CLNK: variants seen among roughly 807,000 people sequenced by gnomAD.
CLNK encodes the protein cytokine-dependent hematopoietic cell linker.
A neutral mutation model predicts 68.6 loss-of-function variants in CLNK; 74 were observed. The ratio of observed to expected loss-of-function variants is 1.08; its 90% confidence interval spans 0.89 to 1.31. The LOEUF is 1.31. Ranked by LOEUF, CLNK falls within the 50% of genes most tolerant of loss-of-function variation. The pLI is 0.00. For synonymous variants in CLNK, 198 were observed against 172.2 expected (o/e 1.15, Z -1.17); for missense variants, 553 against 515.3 (o/e 1.07, Z -0.71).
At chr4:10,634,673 C>T (rs549674913) in intron 2 of CLNK, among the ~76,000 whole-genome samples, 4 of 152,192 alleles carry the variant, frequency 2.6e-5, no homozygotes, top group Admixed American at 6.5e-5. Context: ...AGTCTAACTT[C>T]GGTGTTTTGA....
intron 2 of CLNK, among the ~76,000 whole-genome samples, chr4:10,659,469 C>T (rs1031991666): frequency 6.6e-6 from 1 of 152,160 alleles, no homozygotes; most frequent in Admixed American, 6.5e-5. Context: ...CATGGCCAAC[C>T]AATATTTCTG....
chr4:10,595,689 T>G (rs1446537423), intron 3 of CLNK, among the ~76,000 whole-genome samples: 3 of 152,126 alleles, frequency 2.0e-5, no homozygotes, highest in Non-Finnish European at 4.4e-5. Context: ...GCACCAGGGT[T>G]GTTGATATTA....
rs74417800 is a variant in CLNK at position 10,502,759 on chromosome 4, C to T, written c.985-1348G>A. 8.3e-3 allele frequency among the ~76,000 whole-genome samples: 1,261 copies of T among 151,778 alleles called. 11 individuals carry two copies. The highest frequency in any genetic ancestry group is 0.037 in the Middle Eastern group (11 of 294). ...TCAAACTGAATGGAGAGGCCCTTTA[C>T]GGGAGGAGGAATTGTAGCCTATGTT... On this transcript the variant is annotated intron_variant, in intron 17 of 18. Coordinates refer to ENST00000226951, the MANE Select transcript of CLNK (RefSeq NM_052964.4).
intron 2 of CLNK, among the ~76,000 whole-genome samples, chr4:10,636,263 T>C (rs977083211): frequency 5.9e-5 from 9 of 152,178 alleles, no homozygotes; most frequent in African/African-American, 1.9e-4. Context: ...CCAATATGAC[T>C]TGTATCTTTA....
At chr4:10,583,174 G>A (rs927729207) in intron 4 of CLNK, among the ~76,000 whole-genome samples, 2 of 152,160 alleles carry the variant, frequency 1.3e-5, no homozygotes, top group Non-Finnish European at 2.9e-5. Context: ...AATTAGATCA[G>A]GTCTGCTATT....
At chr4:10,497,071 G>A (rs188315724) in intron 18 of CLNK, among the ~76,000 whole-genome samples, 1 of 152,292 alleles carries the variant, frequency 6.6e-6, no homozygotes, top group African/African-American at 2.4e-5. Context: ...TCAATGTTTT[G>A]CAAACTATAC....
intron 2 of CLNK, among the ~76,000 whole-genome samples, chr4:10,644,104 C>A (rs1044635590): frequency 1.3e-5 from 2 of 152,214 alleles, no homozygotes; most frequent in Non-Finnish European, 2.9e-5. Context: ...ATGGCTCATA[C>A]TGAGGGGCGG....
At chr4:10,532,335 A>G in intron 11 of CLNK, 52 bp from the exon 12 acceptor site, 1 of 1,448,530 alleles carries the variant, frequency 6.9e-7, no homozygotes, top group African/African-American at 1.4e-5. Context: ...ATAATGACCA[A>G]GATAAAATCA....
At position 10,598,008 on chromosome 4, in the gene CLNK, T is replaced by A. The variant is rs772948104; in HGVS notation, c.53A>T (p.Lys18Ile). The A allele has an allele frequency of 3.1e-6, 5 of 1,589,104 alleles. No individual in the cohort carries two copies. In the South Asian group the frequency reaches 5.7e-5, roughly 18 times the overall value. ...TTTTGGCAGACTGAAGTTCTGGAATTTCAAATCGTTGGATCCTTCTTTAGT... is the reference window on the plus strand; with the variant it reads ...TTTTGGCAGACTGAAGTTCTGGAATATCAAATCGTTGGATCCTTCTTTAGT... ...KTTKEGSNDL[K>I]FQNFSLPKNR... The change falls in exon 3 of 19, where the codon AAA (lysine) becomes ATA (isoleucine). Residue 18 changes from lysine (K) to isoleucine (I), a missense_variant. Physicochemically the swap from Lys to Ile is moderately radical, Grantham distance 102. Coordinates refer to ENST00000226951, the MANE Select transcript of CLNK (RefSeq NM_052964.4).
intron 11 of CLNK, among the ~76,000 whole-genome samples, chr4:10,534,195 G>A (rs1314263991): frequency 6.6e-6 from 1 of 152,076 alleles, no homozygotes; most frequent in East Asian, 1.9e-4. Flanking sequence ...GGAAAGCTCG[G>A]GTTTGGAATT....
chr4:10,672,423 C>G (rs964904304), intron 1 of CLNK, among the ~76,000 whole-genome samples: 1 of 152,080 alleles, frequency 6.6e-6, no homozygotes, highest in Non-Finnish European at 1.5e-5. Flanking sequence ...CAACAGCTAC[C>G]CTTAGGACTC....
chr4:10,585,401 A>G (rs185894118), intron 3 of CLNK, among the ~76,000 whole-genome samples: 43 of 152,364 alleles, frequency 2.8e-4, no homozygotes, highest in Non-Finnish European at 5.4e-4. Context: ...GTTTTGGCCA[A>G]TCAAATGTAG....
chr4:10,731,007 A>G, the CLNK span, among the ~76,000 whole-genome samples: 2 of 152,254 alleles, frequency 1.3e-5, no homozygotes, highest in Admixed American at 6.5e-5. Context: ...ACACGCATAC[A>G]ATGTGTAATA....
chr4:10,686,372 C>A (rs933058396), upstream of CLNK, among the ~76,000 whole-genome samples: 1 of 151,900 alleles, frequency 6.6e-6, no homozygotes, highest in African/African-American at 2.4e-5. Context: ...TTAGCTGGGA[C>A]GTATTCGACC....
chr4:10,594,797 A>G (rs1721324272), intron 3 of CLNK, among the ~76,000 whole-genome samples: 1 of 152,206 alleles, frequency 6.6e-6, no homozygotes, highest in African/African-American at 2.4e-5. Flanking sequence ...AAAGTTTTTG[A>G]TCACTTAGAA....
At chr4:10,612,788 G>A (rs572732248) in intron 2 of CLNK, among the ~76,000 whole-genome samples, 2 of 152,310 alleles carry the variant, frequency 1.3e-5, no homozygotes, top group South Asian at 4.2e-4. Flanking sequence ...GGAAGCCAGG[G>A]TTGGAGTCAA....
chr4:10,528,878 T>A (rs1718426059), intron 12 of CLNK, among the ~76,000 whole-genome samples: 1 of 152,232 alleles, frequency 6.6e-6, no homozygotes, highest in East Asian at 1.9e-4. Context: ...CCTTTTTAAA[T>A]GTAGCCATTT....
chr4:10,584,904 G>C, intron 4 of CLNK, 23 bp downstream of exon 4: 1 of 1,613,012 alleles, frequency 6.2e-7, no homozygotes, highest in Non-Finnish European at 8.5e-7. Context: ...CCACCACTTA[G>C]GTGACAGAGA....
In CLNK at chr4:10,667,933, C is replaced by T. The variant is rs149415248; in HGVS notation, c.-42-22G>A. 6.1e-4 allele frequency: 775 copies of T among 1,263,764 alleles called. 5 individuals carry two copies. The highest frequency in any genetic ancestry group is 4.0e-3 in the South Asian group (271 of 67,402). The allele number at this position is 1,263,764 out of a possible 1,614,324, so 78.3% of individuals were successfully genotyped here. A position where few individuals can be genotyped will look rare whatever the true frequency, so the allele number is the denominator to read the frequency against. On this transcript the variant is annotated intron_variant, in intron 1 of 18. Coordinates refer to ENST00000226951, the MANE Select transcript of CLNK (RefSeq NM_052964.4). Reference sequence around the variant, plus strand: ...CAGCCTGTGGAAACAAAAGCAAACGCGTTACTGGAACTTCCACATCATGTT... The same window carrying T: ...CAGCCTGTGGAAACAAAAGCAAACGTGTTACTGGAACTTCCACATCATGTT...
Sources: gnomAD v4.1 joint callset for allele counts (sites outside exome capture counted in the v4.1 genomes callset) on GRCh38, gnomAD v4.1.1 for gene constraint, MANE v1.5 for transcripts, NCBI Gene and HGNC (gene_info 2026-07-23, HGNC 2026-07-21) for gene names.